Variants in FRMD6 observed in about 807,000 individuals in gnomAD.
FRMD6 encodes FERM domain containing 6, also known as FERM domain-containing protein 6.
A neutral mutation model predicts 73.2 loss-of-function variants in FRMD6; 37 were observed. The observed-to-expected ratio is 0.51, with a 90% CI of 0.39 to 0.66. FRMD6 has a LOEUF of 0.66. Ranked by LOEUF, FRMD6 falls within the 30% of genes least tolerant of loss-of-function variation. FRMD6 has a pLI of 0.00. For missense variants in FRMD6, 714 were observed against 780.5 expected (o/e 0.91, Z 1.02); for synonymous variants, 273 against 282.2 (o/e 0.97, Z 0.33).
chr14:51,527,285 C>T (rs889759050), intron 1 of FRMD6, among the ~76,000 whole-genome samples: 1 of 152,220 alleles, frequency 6.6e-6, no homozygotes, highest in African/African-American at 2.4e-5. Context: ...TCATCTGAGG[C>T]CATCACCATG....
chr14:51,657,403 T>C (rs1892909810), intron 1 of FRMD6, among the ~76,000 whole-genome samples: 2 of 152,234 alleles, frequency 1.3e-5, no homozygotes, highest in Admixed American at 1.3e-4. Context: ...AGGATAACCA[T>C]TATGCTGACT....
chr14:51,713,026 A>G (rs1447981361), intron 9 of FRMD6, among the ~76,000 whole-genome samples: 1 of 152,176 alleles, frequency 6.6e-6, no homozygotes, highest in African/African-American at 2.4e-5. Flanking sequence ...TACTCTTACA[A>G]TATTGAGAAT....
chr14:51,705,981 G>T (rs6572786), intron 6 of FRMD6, among the ~76,000 whole-genome samples: 85,933 of 151,752 alleles, frequency 0.57, 24,486 homozygotes, highest in East Asian at 0.65. Context: ...CCCAAATCTG[G>T]TTTTTTCCCC....
intron 2 of FRMD6, chr14:51,599,910 C>T (rs1449979257): frequency 6.7e-6 from 1 of 149,048 alleles, no homozygotes; most frequent in Non-Finnish European, 1.5e-5. Flanking sequence ...GCTCCTGGGT[C>T]CTCAGAGTCT....
intron 2 of FRMD6, chr14:51,637,921 C>G (rs1433576317): frequency 1.3e-5 from 2 of 152,184 alleles, no homozygotes; most frequent in African/African-American, 4.8e-5. Context: ...GCTGGCTTGT[C>G]TCGAAACTCA....
rs146259620 is a variant in FRMD6, at chr14:51,689,860, C to T, written c.24C>T (p.Asn8=). The T allele has an allele frequency of 6.2e-7, 1 of 1,612,552 alleles. No homozygotes were observed. The highest frequency in any genetic ancestry group is 1.1e-5 in the South Asian group (1 of 91,024). Residue 8 remains asparagine, a synonymous_variant, in exon 2 of 14, where the codon AAC becomes AAT. Coordinates refer to ENST00000344768, the MANE Select transcript of FRMD6 (RefSeq NM_001267046.2). The stretch of plus-strand genomic sequence containing the variant: ...CAATGAACAAATTGAATTTTCATAA[C>T]AACAGAGTCATGCAAGACCGCCGCA... MNKLNFH[N]NRVMQDRRSV...
At chr14:51,605,471 A>G (rs568222825) in intron 2 of FRMD6, among the ~76,000 whole-genome samples, 9 of 152,316 alleles carry the variant, frequency 5.9e-5, no homozygotes, top group Admixed American at 3.9e-4. Flanking sequence ...AATAAGGGAA[A>G]GAAATCATTC....
At chr14:51,610,340 A>ATTT (rs1566501238) in intron 2 of FRMD6, among the ~76,000 whole-genome samples, 10 of 122,920 alleles carry the variant, frequency 8.1e-5, no homozygotes, top group African/African-American at 1.6e-4. Flanking sequence ...TTTTTTTTTA[A>ATTT]AAAAAAAAAA....
chr14:51,723,547 A>T (rs1365356215), intron 12 of FRMD6, among the ~76,000 whole-genome samples: 1 of 152,058 alleles, frequency 6.6e-6, no homozygotes. Flanking sequence ...TTGGGAGGCC[A>T]AGGTGGGTGG....
At chr14:51,405,264 T>A in the FRMD6 span, among the ~76,000 whole-genome samples, 1 of 152,228 alleles carries the variant, frequency 6.6e-6, no homozygotes, top group Admixed American at 6.5e-5. Context: ...TATGGTAGAA[T>A]GATTTATATT....
chr14:51,462,780 G>A, the FRMD6 span, among the ~76,000 whole-genome samples: 39 of 147,976 alleles, frequency 2.6e-4, no homozygotes, highest in African/African-American at 9.5e-4. Context: ...GAAAATAAGG[G>A]AGGAAGAGAG....
chr14:51,468,762 A>G, the FRMD6 span, among the ~76,000 whole-genome samples: 1 of 151,840 alleles, frequency 6.6e-6, no homozygotes, highest in Non-Finnish European at 1.5e-5. Flanking sequence ...ATTCTCTGCT[A>G]CTCTCAATTT....
chr14:51,440,967 T>G, the FRMD6 span, among the ~76,000 whole-genome samples: 1 of 152,260 alleles, frequency 6.6e-6, no homozygotes, highest in Admixed American at 6.5e-5. Context: ...GGGAAAGTTC[T>G]GCAACTTTTA....
the FRMD6 span, among the ~76,000 whole-genome samples, chr14:51,418,738 G>A: frequency 1.3e-5 from 2 of 152,256 alleles, no homozygotes; most frequent in Admixed American, 6.5e-5. Context: ...TTTAAGTCTG[G>A]AGAAGCTTCT....
chr14:51,594,338 A>ATTTATTTATTTT (rs894725911), intron 2 of FRMD6, among the ~76,000 whole-genome samples: 14 of 117,802 alleles, frequency 1.2e-4, no homozygotes, highest in African/African-American at 2.9e-4. Context: ...TTATTTATTT[A>ATTTATTTATTTT]TTTTTTTGAG....
intron 1 of FRMD6, among the ~76,000 whole-genome samples, chr14:51,654,579 G>A (rs1468723496): frequency 1.3e-5 from 2 of 149,748 alleles, no homozygotes; most frequent in African/African-American, 2.5e-5. Context: ...TAAAGTTGTG[G>A]GTTTTTTTTT....
chr14:51,486,314 A>G (rs765006842), upstream of FRMD6, among the ~76,000 whole-genome samples: 20 of 151,868 alleles, frequency 1.3e-4, no homozygotes, highest in Non-Finnish European at 2.4e-4. Flanking sequence ...GATTACAGGC[A>G]TGATCCACCA....
intron 1 of FRMD6, among the ~76,000 whole-genome samples, chr14:51,680,073 C>T (rs1206418580): frequency 6.6e-6 from 1 of 152,184 alleles, no homozygotes; most frequent in African/African-American, 2.4e-5. Flanking sequence ...GAAAAACAGT[C>T]CGTGGTGTAC....
At chr14:51,649,248 C>T (rs1892220599), upstream of FRMD6, among the ~76,000 whole-genome samples, 1 of 152,106 alleles carries the variant, frequency 6.6e-6, no homozygotes, top group Admixed American at 6.5e-5. Context: ...AATATTTTAA[C>T]TAAGAGTCTC....
Sources: allele counts gnomAD v4.1 joint callset (sites outside exome capture counted in the v4.1 genomes callset), GRCh38; gene constraint gnomAD v4.1.1; transcripts MANE v1.5; gene names NCBI Gene and HGNC (gene_info 2026-07-23, HGNC 2026-07-21).